The following MITF variants were observed in gnomAD, a reference collection of about 807,000 sequenced individuals.
MITF encodes melanocyte inducing transcription factor, also known as microphthalmia-associated transcription factor.
MITF carries 17 observed loss-of-function variants against 60.5 expected under a neutral mutation model. That is an observed-to-expected ratio of 0.28 (90% CI 0.19 to 0.42). The LOEUF (loss-of-function observed/expected upper bound fraction) is 0.42, where lower values mean the gene tolerates loss of function less well. Ranked by LOEUF, MITF falls within the 10% of genes least tolerant of loss-of-function variation. The probability of loss-of-function intolerance (pLI) is 1.00; values close to 1 mark genes in which losing one functional copy is unlikely to be tolerated. For synonymous variants in MITF, 260 were observed against 248.5 expected (o/e 1.05, Z -0.43); for missense variants, 622 against 683.5 (o/e 0.91, Z 1.00).
At chr3:69,916,320 A>G (rs2065333467) in intron 2 of MITF, among the ~76,000 whole-genome samples, 1 of 152,170 alleles carries the variant, frequency 6.6e-6, no homozygotes, top group South Asian at 2.1e-4. Context: ...ATTATTTTGA[A>G]AAATAATTTT....
rs566376605 is a variant in MITF at position 69,747,020 on chromosome 3, C to A, written c.104+7319C>A. Among the ~76,000 whole-genome samples the A allele has an allele frequency of 2.0e-5, 3 of 152,246 alleles. No individual in the cohort carries two copies. The Middle Eastern group carries it at 0.01, about 518-fold the overall frequency. On this transcript the variant is annotated intron_variant, in intron 1 of 9. Transcript: ENST00000352241. ...TGCTGTGAAGAGTAGAGAAGTAGACCTTTGGAGTGTTCACCTGAGACCCCT... is the reference window on the plus strand; with the variant it reads ...TGCTGTGAAGAGTAGAGAAGTAGACATTTGGAGTGTTCACCTGAGACCCCT...
Position 69,854,138 on chromosome 3 carries a change from G to A in MITF, c.105-24996G>A, listed in dbSNP as rs534934249. On this transcript the variant is annotated intron_variant, in intron 1 of 9. Transcript: ENST00000352241. ...GCTGGGATTACAGGCGTGAGCCACC[G>A]AGCCCAGCTGATCACTTCCCTCTTA... 1.1e-4 allele frequency among the ~76,000 whole-genome samples: 16 copies of A among 152,164 alleles called. No homozygotes were observed. In the South Asian group the frequency reaches 2.5e-3, roughly 24 times the overall value.
chr3:69,790,144 A>AAG (rs2062717236), intron 1 of MITF, among the ~76,000 whole-genome samples: 1 of 152,222 alleles, frequency 6.6e-6, no homozygotes, highest in Non-Finnish European at 1.5e-5. Context: ...ATGAATCTTT[A>AAG]GGACATTATA....
chr3:69,917,552 A>G (rs2065363664), intron 2 of MITF, among the ~76,000 whole-genome samples: 1 of 152,064 alleles, frequency 6.6e-6, no homozygotes, highest in Non-Finnish European at 1.5e-5. Flanking sequence ...CTCTCCTTAT[A>G]TAACATTCCT....
intron 1 of MITF, among the ~76,000 whole-genome samples, chr3:69,827,688 T>C (rs1215662698): frequency 6.6e-6 from 1 of 152,132 alleles, no homozygotes; most frequent in African/African-American, 2.4e-5. Flanking sequence ...TTCCATTGAA[T>C]CAGTGGACAT....
intron 1 of MITF, chr3:69,866,160 A>G: frequency 6.6e-7 from 1 of 1,525,314 alleles, no homozygotes; most frequent in Non-Finnish European, 8.7e-7. Flanking sequence ...CCGTTCTAGC[A>G]CAGAGCTGTG....
intron 1 of MITF, among the ~76,000 whole-genome samples, chr3:69,744,813 C>A (rs564645638): frequency 3.7e-4 from 57 of 152,140 alleles, no homozygotes; most frequent in African/African-American, 1.3e-3. Flanking sequence ...CACTTTGTAT[C>A]TTTCATTTAA....
intron 6 of MITF, among the ~76,000 whole-genome samples, chr3:69,950,494 A>C (rs2066219473): frequency 6.7e-6 from 1 of 148,676 alleles, no homozygotes; most frequent in Non-Finnish European, 1.5e-5. Context: ...ACATACACAC[A>C]CACACATAGA....
rs894382126 is a variant in MITF at position 69,967,411 on chromosome 3, G to A, written c.*2163G>A. On this transcript the variant is annotated 3_prime_UTR_variant, in exon 10 of 10. Coordinates refer to ENST00000352241, the MANE Select transcript of MITF (RefSeq NM_001354604.2). ...TCTTCATATTTATATGGGGGGGAGGGCGCTGGATGCAAAAGTTGAAGATCG... is the reference window on the plus strand; with the variant it reads ...TCTTCATATTTATATGGGGGGGAGGACGCTGGATGCAAAAGTTGAAGATCG... The A allele has an allele frequency of 8.6e-6, 2 of 233,106 alleles. No homozygotes were observed. The highest frequency in any genetic ancestry group is 1.2e-4 in the East Asian group (2 of 16,524). 14.4% of individuals were successfully genotyped at this position (233,106 alleles called of 1,614,324 possible).
intron 1 of MITF, among the ~76,000 whole-genome samples, chr3:69,790,423 T>C (rs2062721591): frequency 6.6e-6 from 1 of 152,250 alleles, no homozygotes; most frequent in Admixed American, 6.5e-5. Context: ...ACAATGTGAA[T>C]GTAATTAACA....
Position 69,879,302 on chromosome 3 carries a change from C to T in MITF, c.273C>T (p.Pro91=), listed in dbSNP as rs749431926. The change falls in exon 2 of 10, where the codon CCC becomes CCT. Residue 91 remains proline, a synonymous_variant. Coordinates refer to ENST00000352241, the MANE Select transcript of MITF (RefSeq NM_001354604.2). ...CCCAGTTCATGCAACAGAGAGTGCC[C>T]GTGAGTCAGACACCAGCCATAAACG... ...QAAQFMQQRV[P]VSQTPAINVS... 45 of 1,614,040 alleles carry T rather than the reference C, an allele frequency of 2.8e-5. No individual in the cohort carries two copies. The highest frequency in any genetic ancestry group is 1.2e-4 in the African/African-American group (9 of 74,922).
chr3:69,945,116 A>G (rs1359917569), intron 5 of MITF, among the ~76,000 whole-genome samples: 3 of 152,200 alleles, frequency 2.0e-5, no homozygotes, highest in African/African-American at 7.2e-5. Context: ...TAAAAGTCCC[A>G]GTTTACTTGT....
At chr3:69,767,430 A>G (rs1357277631) in intron 1 of MITF, among the ~76,000 whole-genome samples, 5 of 151,948 alleles carry the variant, frequency 3.3e-5, no homozygotes, top group African/African-American at 2.4e-5. Flanking sequence ...CTAAAAATAC[A>G]AAAAATTAGC....
intron 1 of MITF, among the ~76,000 whole-genome samples, chr3:69,750,284 G>T (rs1006299645): frequency 2.0e-5 from 3 of 151,778 alleles, no homozygotes; most frequent in African/African-American, 7.3e-5. Context: ...TCACGGGGGT[G>T]CACATTGTTC....
At chr3:69,814,698 G>A (rs1226426470) in intron 1 of MITF, among the ~76,000 whole-genome samples, 1 of 151,908 alleles carries the variant, frequency 6.6e-6, no homozygotes, top group African/African-American at 2.4e-5. Context: ...TGAAATTTTG[G>A]TATCTTTGTA....
At chr3:69,890,286 G>A (rs1337336887) in intron 2 of MITF, among the ~76,000 whole-genome samples, 2 of 152,114 alleles carry the variant, frequency 1.3e-5, no homozygotes, top group Non-Finnish European at 2.9e-5. Flanking sequence ...TCTGCCAATA[G>A]CCTTCCATTC....
chr3:69,754,570 T>C (rs546388311), intron 1 of MITF, among the ~76,000 whole-genome samples: 1 of 152,208 alleles, frequency 6.6e-6, no homozygotes, highest in South Asian at 2.1e-4. Flanking sequence ...GCTGAAAAGA[T>C]GTCAGCATCA....
chr3:69,926,498 T>A (rs901952734), intron 2 of MITF, among the ~76,000 whole-genome samples: 3 of 152,180 alleles, frequency 2.0e-5, no homozygotes, highest in African/African-American at 7.2e-5. Context: ...AAGGAGTTGT[T>A]CTGCCTGTGC....
At chr3:69,873,560 G>C (rs1337731238) in intron 1 of MITF, among the ~76,000 whole-genome samples, 1 of 152,156 alleles carries the variant, frequency 6.6e-6, no homozygotes, top group Non-Finnish European at 1.5e-5. Flanking sequence ...CTGGATAGAT[G>C]TTTTTGTTTG....
Sources: allele counts gnomAD v4.1 joint callset (sites outside exome capture counted in the v4.1 genomes callset), GRCh38; gene constraint gnomAD v4.1.1; transcripts MANE v1.5; gene names NCBI Gene and HGNC (gene_info 2026-07-23, HGNC 2026-07-21).